Variants in HIVEP3 observed in about 807,000 individuals in gnomAD.
HIVEP3 encodes HIVEP zinc finger 3.
In HIVEP3, 49 loss-of-function variants were observed where a neutral mutation model predicts 152.8. That is an observed-to-expected ratio of 0.32 (90% CI 0.26 to 0.41). The LOEUF (loss-of-function observed/expected upper bound fraction) is 0.41, where lower values mean the gene tolerates loss of function less well. Among genes scored for constraint, HIVEP3 ranks in the 10% least tolerant of loss-of-function variants. The pLI is 1.00. For missense variants in HIVEP3, 2,790 were observed against 3,103.3 expected (o/e 0.90, Z 2.40); for synonymous variants, 1,269 against 1,289.0 (o/e 0.98, Z 0.33).
intron 1 of HIVEP3, among the ~76,000 whole-genome samples, chr1:41,771,806 A>G (rs1328240281): frequency 6.6e-6 from 1 of 152,144 alleles, no homozygotes; most frequent in East Asian, 1.9e-4. Flanking sequence ...CTGGAACTAC[A>G]AGCACATGCC....
At chr1:41,774,374 A>G (rs1648560885) in intron 1 of HIVEP3, among the ~76,000 whole-genome samples, 1 of 152,250 alleles carries the variant, frequency 6.6e-6, no homozygotes, top group African/African-American at 2.4e-5. Flanking sequence ...GGGAAGAAAG[A>G]ATGCTTTGAA....
chr1:41,677,832 G>A (rs1327443721), intron 2 of HIVEP3, among the ~76,000 whole-genome samples: 2 of 152,226 alleles, frequency 1.3e-5, no homozygotes, highest in African/African-American at 4.8e-5. Flanking sequence ...GTGGTGATGG[G>A]TCACCAAGGA....
chr1:41,822,945 A>G (rs181610286), intron 1 of HIVEP3, among the ~76,000 whole-genome samples: 1 of 152,308 alleles, frequency 6.6e-6, no homozygotes, highest in East Asian at 1.9e-4. Flanking sequence ...CTATGGACTG[A>G]ATTGTCTGCC....
Position 41,924,196 on chromosome 1 carries a change from C to T in HIVEP3, n.120-5672G>A, listed in dbSNP as rs564728760. Reference sequence around the variant, plus strand: ...GGCTGAGATTGGAGTGATGCAGCCACAAGCCAAGGAATGCCAGAGGCCACC... The same window carrying T: ...GGCTGAGATTGGAGTGATGCAGCCATAAGCCAAGGAATGCCAGAGGCCACC... On this transcript the variant is annotated intron_variant and non_coding_transcript_variant, in intron 1 of 3. Coordinates refer to the HIVEP3 transcript ENST00000489103. 2.6e-5 allele frequency among the ~76,000 whole-genome samples: 4 copies of T among 152,246 alleles called. No individual in the cohort carries two copies. In the East Asian group the frequency reaches 7.7e-4, roughly 29 times the overall value.
intron 1 of HIVEP3, among the ~76,000 whole-genome samples, chr1:41,945,858 G>A (rs932040268): frequency 2.0e-5 from 3 of 152,084 alleles, no homozygotes; most frequent in African/African-American, 7.2e-5. Flanking sequence ...TCTACTGAAG[G>A]CCAACTAATC....
At chr1:41,764,954 A>G (rs1309499971) in intron 1 of HIVEP3, among the ~76,000 whole-genome samples, 10 of 152,180 alleles carry the variant, frequency 6.6e-5, no homozygotes, top group African/African-American at 2.4e-4. Context: ...GTGGCATGGG[A>G]TAGATGCTAG....
At chr1:41,830,865 T>C (rs1342782451) in intron 1 of HIVEP3, among the ~76,000 whole-genome samples, 2 of 152,158 alleles carry the variant, frequency 1.3e-5, no homozygotes. Flanking sequence ...GGTGGGAGTA[T>C]GTTGGCTCTT....
At chr1:42,021,847 T>C (rs1645556432) in intron 1 of HIVEP3, among the ~76,000 whole-genome samples, 1 of 152,176 alleles carries the variant, frequency 6.6e-6, no homozygotes, top group Non-Finnish European at 1.5e-5. Context: ...TTCTGTCAGT[T>C]TTCATTCTTC....
At chr1:41,687,333 A>G (rs1646129234) in intron 2 of HIVEP3, among the ~76,000 whole-genome samples, 1 of 152,208 alleles carries the variant, frequency 6.6e-6, no homozygotes, top group East Asian at 1.9e-4. Context: ...TTTAGAGCTA[A>G]TCACTAAACT....
intron 1 of HIVEP3, among the ~76,000 whole-genome samples, chr1:41,820,715 C>A (rs1173904031): frequency 6.6e-6 from 1 of 152,190 alleles, no homozygotes; most frequent in Non-Finnish European, 1.5e-5. Context: ...ACACAACATA[C>A]AATATCAATT....
At chr1:41,673,298 G>A (rs1415117035) in intron 2 of HIVEP3, among the ~76,000 whole-genome samples, 1 of 152,260 alleles carries the variant, frequency 6.6e-6, no homozygotes, top group Non-Finnish European at 1.5e-5. Flanking sequence ...AAGAGGCAGT[G>A]AGAGAATGCA....
intron 2 of HIVEP3, among the ~76,000 whole-genome samples, chr1:41,643,096 CT>C (rs1314767386): frequency 6.6e-6 from 1 of 152,178 alleles, no homozygotes; most frequent in African/African-American, 2.4e-5. Context: ...TCCTTGCCTC[CT>C]CCCTGGTCTC....
chr1:42,033,396 T>C (rs966551836), intron 1 of HIVEP3, among the ~76,000 whole-genome samples: 2 of 152,134 alleles, frequency 1.3e-5, no homozygotes, highest in Non-Finnish European at 2.9e-5. Flanking sequence ...TAACATGAAG[T>C]CCTCAACCAC....
chr1:41,990,708 G>GCACCA (rs1383648316), intron 1 of HIVEP3, among the ~76,000 whole-genome samples: 1 of 150,696 alleles, frequency 6.6e-6, no homozygotes, highest in Non-Finnish European at 1.5e-5. Flanking sequence ...ATTTTTTTCA[G>GCACCA]CACCACACCA....
intron 1 of HIVEP3, among the ~76,000 whole-genome samples, chr1:42,018,494 A>G (rs112466443): frequency 2.0e-5 from 3 of 152,060 alleles, no homozygotes; most frequent in African/African-American, 7.2e-5. Flanking sequence ...TCTCTACTGT[A>G]TTTTAGTGTC....
chr1:41,874,487 T>C (rs945814), intron 1 of HIVEP3, among the ~76,000 whole-genome samples: 119,510 of 152,076 alleles, frequency 0.79, 47,321 homozygotes, highest in East Asian at 1. Context: ...AGATTCACAG[T>C]GTCTAAGGTT....
intron 1 of HIVEP3, among the ~76,000 whole-genome samples, chr1:41,709,548 T>G (rs1461822234): frequency 6.6e-6 from 1 of 152,180 alleles, no homozygotes; most frequent in East Asian, 1.9e-4. Context: ...CTTCCTTGTT[T>G]AGGGCAGGAA....
At chr1:41,746,075 T>C (rs1451968483) in intron 1 of HIVEP3, among the ~76,000 whole-genome samples, 1 of 152,210 alleles carries the variant, frequency 6.6e-6, no homozygotes, top group African/African-American at 2.4e-5. Flanking sequence ...TGGCAGTGCC[T>C]CCACCACCCT....
chr1:42,001,794 A>G (rs1414840819), intron 1 of HIVEP3, among the ~76,000 whole-genome samples: 2 of 152,186 alleles, frequency 1.3e-5, no homozygotes, highest in East Asian at 1.9e-4. Flanking sequence ...GTACTACTTG[A>G]TAAACAGTCA....
Sources: allele counts gnomAD v4.1 joint callset (sites outside exome capture counted in the v4.1 genomes callset), GRCh38; gene constraint gnomAD v4.1.1; transcripts MANE v1.5; gene names NCBI Gene and HGNC (gene_info 2026-07-23, HGNC 2026-07-21).